The following UIMC1 variants were observed in gnomAD, a reference collection of about 807,000 sequenced individuals.
UIMC1 encodes BRCA1-A complex subunit RAP80.
In UIMC1, 42 loss-of-function variants were observed where a neutral mutation model predicts 84.9. That is an observed-to-expected ratio of 0.49 (90% CI 0.39 to 0.64). The LOEUF is 0.64. Among genes scored for constraint, UIMC1 ranks in the 30% least tolerant of loss-of-function variants. The probability of loss-of-function intolerance (pLI) is 0.00; values close to 1 mark genes in which losing one functional copy is unlikely to be tolerated. For missense variants in UIMC1, 825 were observed against 847.6 expected (o/e 0.97, Z 0.33); for synonymous variants, 281 against 293.0 (o/e 0.96, Z 0.42).
chr5:176,989,395 C>T (rs1421323230), intron 1 of UIMC1, among the ~76,000 whole-genome samples: 3 of 152,080 alleles, frequency 2.0e-5, no homozygotes, highest in African/African-American at 4.8e-5. Context: ...CGCAGTGGCT[C>T]AAGTCTGTAA....
intron 9 of UIMC1, 103 bp downstream of exon 9, chr5:176,951,371 C>G: frequency 1.2e-6 from 1 of 841,284 alleles, no homozygotes; most frequent in Non-Finnish European, 1.7e-6. Context: ...AAACTAAAAC[C>G]CCCTGCCACC....
rs1768785652 is a variant in UIMC1, at chr5:176,969,068, CTG to C, written c.685_686del (p.Gln229ValfsTer21). ...CAGTACTTTCCTGTGGCTTCCCACA[CTG>C]TGTGTGCTCAGCCGAGTGGCCAGTA... Reference protein sequence around the residue: ...RCTGHSAEHTQCGKPQESTGR... With the variant: ...RCTGHSAEHTXCGKPQESTGR... On this transcript the variant is annotated frameshift_variant, in exon 6 of 15. Coordinates refer to ENST00000511320, the MANE Select transcript of UIMC1 (RefSeq NM_001199298.2). LOFTEE classifies it high-confidence loss of function. The C allele has an allele frequency of 6.2e-7, 1 of 1,614,216 alleles. No homozygotes were observed. The highest frequency in any genetic ancestry group is 8.5e-7 in the Non-Finnish European group (1 of 1,180,036).
intron 1 of UIMC1, among the ~76,000 whole-genome samples, chr5:176,987,198 G>A (rs536443815): frequency 1.3e-5 from 2 of 152,294 alleles, no homozygotes; most frequent in East Asian, 3.9e-4. Context: ...TCCAGCCTGG[G>A]CGACAAGAGC....
chr5:176,940,181 G>A (rs1225310581), intron 10 of UIMC1, among the ~76,000 whole-genome samples: 1 of 152,200 alleles, frequency 6.6e-6, no homozygotes, highest in Non-Finnish European at 1.5e-5. Context: ...AGGATTTGGG[G>A]ATGTGAGTTT....
Position 176,907,854 on chromosome 5 carries a change from T to C in UIMC1, c.1848+669A>G, listed in dbSNP as rs182284698. The stretch of plus-strand genomic sequence containing the variant: ...AAAATTTGTACATCCACTGACCTAA[T>C]AGTTCCGTATCAGAAAATGTATTCT... On this transcript the variant is annotated intron_variant, in intron 12 of 14. Coordinates refer to ENST00000511320, the MANE Select transcript of UIMC1 (RefSeq NM_001199298.2). 5.3e-5 allele frequency among the ~76,000 whole-genome samples: 8 copies of C among 152,364 alleles called. No homozygotes were observed. The East Asian group carries it at 7.7e-4, about 15-fold the overall frequency.
chr5:177,002,539 C>T (rs754082378), intron 1 of UIMC1, among the ~76,000 whole-genome samples: 26 of 152,086 alleles, frequency 1.7e-4, no homozygotes, highest in Non-Finnish European at 3.5e-4. Flanking sequence ...CGGTGGCTCA[C>T]GCCTGTAATC....
chr5:176,905,917 C>T lies in UIMC1; in HGVS notation c.1949+94G>A, dbSNP rs1465649148. 6 of 1,317,852 alleles carry T rather than the reference C, an allele frequency of 4.6e-6. No individual in the cohort carries two copies. The South Asian group carries it at 6.0e-5, about 13-fold the overall frequency. 81.6% of individuals were successfully genotyped at this position (1,317,852 alleles called of 1,614,324 possible). On this transcript the variant is annotated intron_variant, in intron 14 of 14. Coordinates refer to ENST00000511320, the MANE Select transcript of UIMC1 (RefSeq NM_001199298.2). ...AGTTCCACAGTGATTTCTACTGCAA[C>T]AGTCTGAGTATCACACTACACACAG...
intron 10 of UIMC1, among the ~76,000 whole-genome samples, chr5:176,939,655 A>G (rs1764181017): frequency 6.6e-6 from 1 of 152,198 alleles, no homozygotes; most frequent in African/African-American, 2.4e-5. Flanking sequence ...GGTTTGTGTA[A>G]GTATACTCAC....
intron 3 of UIMC1, among the ~76,000 whole-genome samples, chr5:176,972,991 C>T (rs1769496574): frequency 6.7e-6 from 1 of 149,874 alleles, no homozygotes; most frequent in African/African-American, 2.5e-5. Flanking sequence ...TCTCAGCTCA[C>T]TGCAACCTCT....
chr5:176,934,252 A>G (rs954871720), intron 10 of UIMC1, among the ~76,000 whole-genome samples: 3 of 152,248 alleles, frequency 2.0e-5, no homozygotes, highest in African/African-American at 7.2e-5. Flanking sequence ...TTTTATATAG[A>G]AAAAGACATA....
At chr5:176,934,557 T>A (rs1581437410) in intron 10 of UIMC1, among the ~76,000 whole-genome samples, 1 of 152,238 alleles carries the variant, frequency 6.6e-6, no homozygotes, top group African/African-American at 2.4e-5. Flanking sequence ...TGCCTCACTC[T>A]GGACTTGTGA....
intron 10 of UIMC1, among the ~76,000 whole-genome samples, chr5:176,929,434 G>C (rs962379085): frequency 6.6e-6 from 1 of 151,580 alleles, no homozygotes; most frequent in African/African-American, 2.4e-5. Context: ...AGGCGTGGTG[G>C]CGGGTGCCTG....
At chr5:176,957,988 A>G in intron 7 of UIMC1, 105 bp downstream of exon 7, 1 of 1,055,320 alleles carries the variant, frequency 9.5e-7, no homozygotes, top group African/African-American at 1.6e-5. Flanking sequence ...AAAAGAGCTA[A>G]AAGTTCTCTG....
chr5:176,935,214 C>A (rs891492674), intron 10 of UIMC1, among the ~76,000 whole-genome samples: 13 of 152,166 alleles, frequency 8.5e-5, no homozygotes, highest in African/African-American at 2.9e-4. Flanking sequence ...CAACTGCCCA[C>A]CATTTCCTTT....
At chr5:176,967,801 G>C (rs1458786809) in intron 6 of UIMC1, among the ~76,000 whole-genome samples, 1 of 151,802 alleles carries the variant, frequency 6.6e-6, no homozygotes, top group Non-Finnish European at 1.5e-5. Context: ...TATTGCGACG[G>C]GCTGAGGTTG....
chr5:176,995,710 G>A (rs530005187), intron 1 of UIMC1, among the ~76,000 whole-genome samples: 1 of 151,844 alleles, frequency 6.6e-6, no homozygotes, highest in African/African-American at 2.4e-5. Context: ...AGGCATGGTG[G>A]CAGGAGCCCG....
chr5:176,916,009 C>T (rs746732447), intron 10 of UIMC1, among the ~76,000 whole-genome samples: 5 of 152,066 alleles, frequency 3.3e-5, no homozygotes, highest in South Asian at 2.1e-4. Context: ...TAGGACTATA[C>T]GGTAATTCTA....
chr5:176,963,362 A>C (rs914213621), intron 6 of UIMC1, among the ~76,000 whole-genome samples: 1 of 151,900 alleles, frequency 6.6e-6, no homozygotes, highest in Non-Finnish European at 1.5e-5. Context: ...CTCTACAAAA[A>C]ATACAAAAAT....
At chr5:177,004,375 A>G (rs1364455549) in intron 1 of UIMC1, among the ~76,000 whole-genome samples, 2 of 152,170 alleles carry the variant, frequency 1.3e-5, no homozygotes, top group African/African-American at 4.8e-5. Context: ...TAATTCTAAA[A>G]ACGTAAATAA....
Sources: gnomAD v4.1 joint callset for allele counts (sites outside exome capture counted in the v4.1 genomes callset) on GRCh38, gnomAD v4.1.1 for gene constraint, MANE v1.5 for transcripts, NCBI Gene and HGNC (gene_info 2026-07-23, HGNC 2026-07-21) for gene names.